The following RGP1 variants were observed in gnomAD, a reference collection of about 807,000 sequenced individuals.
The protein encoded by RGP1 is RGP1 partner of RAB6A GEF complex.
RGP1 carries 28 observed loss-of-function variants against 44.5 expected under a neutral mutation model. The observed-to-expected ratio is 0.63, with a 90% confidence interval of 0.47 to 0.86. The LOEUF (loss-of-function observed/expected upper bound fraction) is 0.86, where lower values mean the gene tolerates loss of function less well. Ranked by LOEUF, RGP1 falls within the 40% of genes least tolerant of loss-of-function variation. The pLI is 0.00. For synonymous variants in RGP1, 212 were observed against 196.7 expected (o/e 1.08, Z -0.65); for missense variants, 417 against 490.7 (o/e 0.85, Z 1.42).
At chr9:35,773,241 A>T in the RGP1 span, among the ~76,000 whole-genome samples, 1 of 151,744 alleles carries the variant, frequency 6.6e-6, no homozygotes, top group Non-Finnish European at 1.5e-5. Context: ...ATAAAAAACA[A>T]ATAGCCAGGT....
chr9:35,784,960 T>C, the RGP1 span, among the ~76,000 whole-genome samples: 1 of 152,168 alleles, frequency 6.6e-6, no homozygotes, highest in Non-Finnish European at 1.5e-5. Context: ...AATATGGATA[T>C]GGTGGGGAAA....
the RGP1 span, among the ~76,000 whole-genome samples, chr9:35,777,234 T>C: frequency 6.8e-6 from 1 of 147,818 alleles, no homozygotes; most frequent in African/African-American, 2.5e-5. Context: ...GGTTCACACC[T>C]TTCTCCTGCC....
the RGP1 span, among the ~76,000 whole-genome samples, chr9:35,766,897 C>A: frequency 4.2e-4 from 64 of 152,298 alleles, no homozygotes; most frequent in African/African-American, 1.5e-3. Flanking sequence ...AAACACTAGA[C>A]AATGTCCTTG....
chr9:35,777,247 A>G, the RGP1 span, among the ~76,000 whole-genome samples: 5 of 144,994 alleles, frequency 3.4e-5, no homozygotes, highest in African/African-American at 1.3e-4. Flanking sequence ...CTCCTGCCTC[A>G]GCCTCCCCAG....
chr9:35,752,572 A>T (rs962528088), intron 8 of RGP1, 79 bp from the exon 9 acceptor site: 3 of 1,205,346 alleles, frequency 2.5e-6, no homozygotes, highest in African/African-American at 3.0e-5. Context: ...TTTTCTTCTC[A>T]TTCACTAACT....
the RGP1 span, chr9:35,772,134 A>G: frequency 6.6e-6 from 1 of 152,242 alleles, no homozygotes. Flanking sequence ...GCCCACACCC[A>G]GTGAAACAAG....
the RGP1 span, among the ~76,000 whole-genome samples, chr9:35,788,897 C>T: frequency 6.6e-6 from 1 of 152,118 alleles, no homozygotes; most frequent in South Asian, 2.1e-4. Context: ...AAATAAACAC[C>T]AAAAGCCTTT....
At position 35,752,947 on chromosome 9, in the gene RGP1, T is replaced by G. The variant is rs1827293358; in HGVS notation, c.*73T>G. ...CACCTGGACTCTAATGGGACCCACT[T>G]TTTCCACCTGGGGTCCAATGTCGTG... is the stretch of plus-strand genomic sequence containing the variant. On this transcript the variant is annotated 3_prime_UTR_variant, in exon 9 of 9. Transcript: ENST00000378078. 6.5e-7 allele frequency: 1 copy of G among 1,548,922 alleles called. No homozygotes were observed. The highest frequency in any genetic ancestry group is 8.8e-7 in the Non-Finnish European group (1 of 1,134,728).
chr9:35,753,225 T>C lies in RGP1; in HGVS notation c.*351T>C. The stretch of plus-strand genomic sequence containing the variant: ...TTTTGCACCAAGGAGAACTGGCAGG[T>C]TCCTGCCTCCTGACGTACCTCACAC... On this transcript the variant is annotated 3_prime_UTR_variant, in exon 9 of 9. Transcript: ENST00000378078. The surrounding 1 kb of genome is among the most constrained non-coding windows in gnomAD (Gnocchi z 4.2). 4.3e-6 allele frequency: 7 copies of C among 1,614,100 alleles called. No individual in the cohort carries two copies. Among genetic ancestry groups the C allele is most frequent in the Non-Finnish European group, 5.9e-6 (7 of 1,180,008 alleles).
the RGP1 span, among the ~76,000 whole-genome samples, chr9:35,775,112 A>C: frequency 6.6e-6 from 1 of 152,126 alleles, no homozygotes; most frequent in Non-Finnish European, 1.5e-5. Context: ...TGAACCTTGA[A>C]CTTGGCAGTT....
chr9:35,781,822 A>ATAATCTTTCTTTATGGATTT, the RGP1 span, among the ~76,000 whole-genome samples: 8 of 152,020 alleles, frequency 5.3e-5, no homozygotes. Flanking sequence ...GAGTGGCTTC[A>ATAATCTTTCTTTATGGATTT]GATCTCTTAA....
chr9:35,772,790 CAAA>C, the RGP1 span, among the ~76,000 whole-genome samples: 5,753 of 107,588 alleles, frequency 0.053, 312 homozygotes, highest in African/African-American at 0.17. Context: ...GACTCTGTCT[CAAA>C]AAAAAAAAAA....
chr9:35,773,030 T>C, the RGP1 span, among the ~76,000 whole-genome samples: 1 of 152,136 alleles, frequency 6.6e-6, no homozygotes, highest in East Asian at 1.9e-4. Context: ...TTGGTATTCT[T>C]TTATCCTTGT....
chr9:35,749,939 C>G lies in RGP1; in HGVS notation c.116+68C>G. On this transcript the variant is annotated intron_variant, in intron 2 of 8. Coordinates refer to ENST00000378078, the MANE Select transcript of RGP1 (RefSeq NM_001080496.3). This position sits in a 1 kb window ranked among gnomAD's most constrained non-coding sequence, Gnocchi z 4.4. Reference sequence around the variant, plus strand: ...AGCCAGATTATCTCTGGGGCTGAGGCAGAGCTCAGGTTGTCCTGTAGCGAC... The same window carrying G: ...AGCCAGATTATCTCTGGGGCTGAGGGAGAGCTCAGGTTGTCCTGTAGCGAC... 8.0e-7 allele frequency: 1 copy of G among 1,247,884 alleles called. No individual in the cohort carries two copies. Among genetic ancestry groups the G allele is most frequent in the Non-Finnish European group, 1.2e-6 (1 of 862,116 alleles). The allele number at this position is 1,247,884 out of a possible 1,614,324, so 77.3% of individuals were successfully genotyped here. A position where few individuals can be genotyped will look rare whatever the true frequency, so the allele number is the denominator to read the frequency against.
chr9:35,770,253 G>A, the RGP1 span, among the ~76,000 whole-genome samples: 4 of 152,210 alleles, frequency 2.6e-5, no homozygotes, highest in Non-Finnish European at 5.9e-5. Context: ...TTTTGGCTGA[G>A]CACCTATGTG....
At position 35,753,182 on chromosome 9, in the gene RGP1, G is replaced by A; in HGVS notation, c.*308G>A. 6.2e-7 allele frequency: 1 copy of A among 1,614,180 alleles called. No individual in the cohort carries two copies. Among genetic ancestry groups the A allele is most frequent in the East Asian group, 2.2e-5 (1 of 44,878 alleles). On this transcript the variant is annotated 3_prime_UTR_variant, in exon 9 of 9. Coordinates refer to ENST00000378078, the MANE Select transcript of RGP1 (RefSeq NM_001080496.3). The surrounding 1 kb of genome is among the most constrained non-coding windows in gnomAD (Gnocchi z 4.2). ...TGGGTCAGGCCCTCCCCCTTTGCAG[G>A]GCAGCCGAGGGTCAGATTTTTGCAC...
intron 5 of RGP1, 92 bp from the exon 6 acceptor site, chr9:35,751,174 T>C (rs974358100): frequency 1.4e-5 from 21 of 1,524,932 alleles, no homozygotes; most frequent in Non-Finnish European, 1.8e-5. Flanking sequence ...ACCCCTTACC[T>C]TTAGCCATCT....
At chr9:35,783,174 T>G in the RGP1 span, among the ~76,000 whole-genome samples, 15 of 152,286 alleles carry the variant, frequency 9.8e-5, no homozygotes, top group Non-Finnish European at 2.1e-4. Context: ...CTTGTAAAAC[T>G]TTTCAGTTTA....
In RGP1 at chr9:35,752,040, C is replaced by T. The variant is rs779533411; in HGVS notation, c.847C>T (p.His283Tyr). The change falls in exon 8 of 9, where the codon CAT becomes TAT. Residue 283 changes from histidine to tyrosine, a missense_variant. By Grantham distance (83) the His-to-Tyr change is moderately conservative. Transcript: ENST00000378078. Reference sequence around the variant, plus strand: ...GGCAGGGGGTGTCCCCTCTGTGTCACATGTGACTCACGCCCGGCACCAGGA... The same window carrying T: ...GGCAGGGGGTGTCCCCTCTGTGTCATATGTGACTCACGCCCGGCACCAGGA... ...RGAGGVPSVS[H>Y]VTHARHQESC... 1.3e-5 allele frequency: 21 copies of T among 1,611,488 alleles called. No homozygotes were observed. Among genetic ancestry groups the T allele is most frequent in the Admixed American group, 1.7e-5 (1 of 59,704 alleles).
Sources: gnomAD v4.1 joint callset for allele counts (sites outside exome capture counted in the v4.1 genomes callset) on GRCh38, gnomAD v4.1.1 for gene constraint, Gnocchi (gnomAD v3.1) non-coding constraint, MANE v1.5 for transcripts, NCBI Gene and HGNC (gene_info 2026-07-23, HGNC 2026-07-21) for gene names.